The following DAG1 variants were observed in gnomAD, a reference collection of about 807,000 sequenced individuals.
The protein encoded by DAG1 is dystroglycan 1.
DAG1 carries 8 observed loss-of-function variants against 46.1 expected under a neutral mutation model. The ratio of observed to expected loss-of-function variants is 0.17; its 90% CI spans 0.10 to 0.31. The LOEUF (loss-of-function observed/expected upper bound fraction) is 0.31. DAG1 is among the 10% of genes least tolerant of loss of function. The probability of loss-of-function intolerance (pLI) is 1.00; values close to 1 mark genes in which losing one functional copy is unlikely to be tolerated. For synonymous variants in DAG1, 495 were observed against 481.8 expected (o/e 1.03, Z -0.36); for missense variants, 1,003 against 1,189.9 (o/e 0.84, Z 2.31).
intron 1 of DAG1, 183 bp from the exon 2 acceptor site, chr3:49,510,236 A>G: frequency 1.9e-6 from 1 of 527,792 alleles, no homozygotes; most frequent in Non-Finnish European, 3.3e-6. Context: ...TATTTAATGG[A>G]TCAGCTACAT....
In DAG1 at chr3:49,533,112, G is replaced by A. The variant is rs758338015; in HGVS notation, c.2601G>A (p.Pro867=). Residue 867 remains proline, a synonymous_variant, in exon 3 of 3, where the codon CCG becomes CCA. Coordinates refer to ENST00000308775, the MANE Select transcript of DAG1 (RefSeq NM_004393.6). The part of the protein sequence containing the change: ...DPNAPPYQPP[P]PFTAPMEGKG... The stretch of plus-strand genomic sequence containing the variant: ...ATGCGCCTCCCTACCAGCCCCCACC[G>A]CCCTTCACAGCACCCATGGAGGGCA... 3.7e-6 allele frequency: 6 copies of A among 1,613,958 alleles called. No homozygotes were observed. The highest frequency in any genetic ancestry group is 1.7e-5 in the Admixed American group (1 of 59,994).
chr3:49,474,367 G>A (rs914088378), intron 1 of DAG1, among the ~76,000 whole-genome samples: 1 of 149,968 alleles, frequency 6.7e-6, no homozygotes, highest in African/African-American at 2.5e-5. Flanking sequence ...TTTTTTTGAG[G>A]TGGAGTTTCG....
chr3:49,484,155 G>A (rs181763865), intron 1 of DAG1, among the ~76,000 whole-genome samples: 8 of 152,248 alleles, frequency 5.3e-5, no homozygotes, highest in Non-Finnish European at 7.4e-5. Flanking sequence ...CAGCTGTTGC[G>A]TTTGCTTACC....
At chr3:49,501,141 C>A (rs2050437988) in intron 1 of DAG1, among the ~76,000 whole-genome samples, 1 of 152,188 alleles carries the variant, frequency 6.6e-6, no homozygotes, top group African/African-American at 2.4e-5. Context: ...AAATGCAGAG[C>A]ACTTAGTCAT....
At chr3:49,480,515 G>A (rs1023021199) in intron 1 of DAG1, among the ~76,000 whole-genome samples, 6 of 150,154 alleles carry the variant, frequency 4.0e-5, no homozygotes, top group African/African-American at 9.7e-5. Flanking sequence ...GAAAGGTCTC[G>A]ATCTCCTGAC....
intron 1 of DAG1, among the ~76,000 whole-genome samples, chr3:49,483,570 T>C (rs958616857): frequency 1.3e-5 from 2 of 152,138 alleles, no homozygotes; most frequent in African/African-American, 2.4e-5. Flanking sequence ...ATTTTTTATA[T>C]TGGAGACCAG....
intron 1 of DAG1, among the ~76,000 whole-genome samples, chr3:49,498,742 C>A (rs1553646157): frequency 6.8e-6 from 1 of 147,932 alleles, no homozygotes; most frequent in Non-Finnish European, 1.5e-5. Context: ...GAGATAGGTT[C>A]TTGCTGTGTC....
chr3:49,495,987 C>T (rs924319525), intron 1 of DAG1, among the ~76,000 whole-genome samples: 1 of 151,812 alleles, frequency 6.6e-6, no homozygotes, highest in Admixed American at 6.6e-5. Context: ...TTGGCCTGGT[C>T]CTTATCTTTG....
chr3:49,469,673 GCTC>G (rs2049455272), upstream of DAG1, among the ~76,000 whole-genome samples: 3 of 152,198 alleles, frequency 2.0e-5, no homozygotes, highest in Admixed American at 1.3e-4. Flanking sequence ...CTAGCTTCCC[GCTC>G]CTCCTGTCCC....
chr3:49,530,374 G>C (rs570909679), intron 2 of DAG1, among the ~76,000 whole-genome samples: 1 of 152,150 alleles, frequency 6.6e-6, no homozygotes, highest in African/African-American at 2.4e-5. Context: ...GCAGAGGGCC[G>C]GGGAGAAGTC....
intron 2 of DAG1, among the ~76,000 whole-genome samples, chr3:49,516,019 T>C (rs1302490229): frequency 1.3e-5 from 2 of 152,184 alleles, no homozygotes; most frequent in Non-Finnish European, 2.9e-5. Flanking sequence ...ACACTGGTCC[T>C]TTTCTGCCCA....
intron 1 of DAG1, among the ~76,000 whole-genome samples, chr3:49,509,959 C>T (rs2050717237): frequency 6.6e-6 from 1 of 152,162 alleles, no homozygotes; most frequent in Non-Finnish European, 1.5e-5. Context: ...AAACTCCTTA[C>T]CTCAAGTCAT....
At chr3:49,515,750 G>A (rs1027823741) in intron 2 of DAG1, among the ~76,000 whole-genome samples, 2 of 151,942 alleles carry the variant, frequency 1.3e-5, no homozygotes, top group East Asian at 1.9e-4. Context: ...TTGTTGAGGC[G>A]ACCCCAGTCA....
chr3:49,514,009 T>G (rs2050828708), intron 2 of DAG1, among the ~76,000 whole-genome samples: 1 of 152,198 alleles, frequency 6.6e-6, no homozygotes, highest in South Asian at 2.1e-4. Context: ...AGAGAGATGT[T>G]TAACAGGCTT....
Position 49,473,303 on chromosome 3 carries a change from T to C in DAG1, c.-117+2870T>C, listed in dbSNP as rs185252947. Among the ~76,000 whole-genome samples, 5 of 151,276 alleles carry C rather than the reference T, an allele frequency of 3.3e-5. No homozygotes were observed. In the East Asian group the frequency reaches 9.9e-4, roughly 30 times the overall value. ...GGTGGCGGGCGCCTGTAGTCCCAGC[T>C]ACTCATTCTCCTGGAGGCTGAGGCA... On this transcript the variant is annotated intron_variant, in intron 1 of 2. Transcript: ENST00000308775.
chr3:49,474,301 G>T (rs552918509), intron 1 of DAG1, among the ~76,000 whole-genome samples: 7 of 151,840 alleles, frequency 4.6e-5, no homozygotes, highest in Non-Finnish European at 8.8e-5. Flanking sequence ...TGGTCTGCCC[G>T]CCTCGGCCTC....
intron 2 of DAG1, among the ~76,000 whole-genome samples, chr3:49,525,348 T>G (rs1167035542): frequency 6.6e-6 from 1 of 152,106 alleles, no homozygotes; most frequent in Non-Finnish European, 1.5e-5. Flanking sequence ...AGTCTGTTCT[T>G]GTGGTGCTAT....
At position 49,470,342 on chromosome 3, in the gene DAG1, C is replaced by A. The variant is rs914874816; in HGVS notation, c.-208C>A. 6.6e-6 allele frequency: 1 copy of A among 152,652 alleles called. No individual in the cohort carries two copies. The highest frequency in any genetic ancestry group is 6.5e-5 in the Admixed American group (1 of 15,284). 9.5% of individuals were successfully genotyped at this position (152,652 alleles called of 1,614,324 possible). On this transcript the variant is annotated 5_prime_UTR_variant, in exon 1 of 3. Transcript: ENST00000308775. ...TTAGGCTTGGCGGTGGCGGCGGCGG[C>A]AGCTTCGCGCCGAATCCCCGGGGAG...
chr3:49,503,516 T>C (rs1008431324), intron 1 of DAG1, among the ~76,000 whole-genome samples: 8 of 152,228 alleles, frequency 5.3e-5, no homozygotes, highest in African/African-American at 1.9e-4. Flanking sequence ...TTTTTTTCTT[T>C]CTTTAAGGTG....
Sources: gnomAD v4.1 joint callset for allele counts (sites outside exome capture counted in the v4.1 genomes callset) on GRCh38, gnomAD v4.1.1 for gene constraint, MANE v1.5 for transcripts, NCBI Gene and HGNC (gene_info 2026-07-23, HGNC 2026-07-21) for gene names.